The following SPMIP7 variants were observed in gnomAD, a reference collection of about 807,000 sequenced individuals.
SPMIP7 encodes the protein sperm microtubule inner protein 7.
chr7:50,151,630 T>A, the SPMIP7 span: 1 of 1,021,214 alleles, frequency 9.8e-7, no homozygotes, highest in Non-Finnish European at 1.4e-6. Context: ...GTTATTCCAT[T>A]AAAGAACAAT....
At chr7:50,143,342 T>G in the SPMIP7 span, among the ~76,000 whole-genome samples, 5 of 152,190 alleles carry the variant, frequency 3.3e-5, no homozygotes, top group East Asian at 9.7e-4. Context: ...TTTTTTGTAT[T>G]TTTAGTAGAG....
At chr7:50,129,901 G>A in the SPMIP7 span, 1 of 707,606 alleles carries the variant, frequency 1.4e-6, no homozygotes, top group Non-Finnish European at 2.4e-6. Flanking sequence ...GTGACACAGA[G>A]GACATCAAAC....
At chr7:50,098,869 T>C in the SPMIP7 span, among the ~76,000 whole-genome samples, 4 of 152,176 alleles carry the variant, frequency 2.6e-5, no homozygotes, top group Non-Finnish European at 4.4e-5. Flanking sequence ...CACAACCATC[T>C]TTATAGTTAA....
the SPMIP7 span, among the ~76,000 whole-genome samples, chr7:50,107,254 G>C: frequency 6.6e-6 from 1 of 151,076 alleles, no homozygotes. Context: ...TACTTGGGAG[G>C]CTAAGGCAGG....
At chr7:50,125,237 T>C in the SPMIP7 span, among the ~76,000 whole-genome samples, 5 of 86,188 alleles carry the variant, frequency 5.8e-5, no homozygotes, top group African/African-American at 2.2e-4. Context: ...CACATATATA[T>C]ACACATATAT....
At chr7:50,141,298 C>CA in the SPMIP7 span, 4 of 1,551,262 alleles carry the variant, frequency 2.6e-6, no homozygotes, top group Non-Finnish European at 3.5e-6. Context: ...GTGCAGTCTA[C>CA]AAATGCTGAT....
chr7:50,150,805 G>A, the SPMIP7 span, among the ~76,000 whole-genome samples: 169 of 152,310 alleles, frequency 1.1e-3, 1 homozygote, highest in Admixed American at 6.7e-3. Context: ...CTTCACTCTT[G>A]TGTTTTCCTT....
the SPMIP7 span, chr7:50,129,604 T>G: frequency 5.3e-6 from 4 of 756,520 alleles, no homozygotes; most frequent in Non-Finnish European, 8.9e-6. Flanking sequence ...AAGAGGTGCG[T>G]GAAAGAAGAA....
At chr7:50,098,657 G>A in the SPMIP7 span, among the ~76,000 whole-genome samples, 1 of 152,006 alleles carries the variant, frequency 6.6e-6, no homozygotes, top group Non-Finnish European at 1.5e-5. Flanking sequence ...GTTTATAGAA[G>A]GCATCTTTTT....
the SPMIP7 span, among the ~76,000 whole-genome samples, chr7:50,139,516 TATC>T: frequency 6.6e-6 from 1 of 152,242 alleles, no homozygotes; most frequent in Non-Finnish European, 1.5e-5. Flanking sequence ...TTAATTTACA[TATC>T]ATGTGGTAAA....
the SPMIP7 span, among the ~76,000 whole-genome samples, chr7:50,106,062 A>G: frequency 0.055 from 8,391 of 152,280 alleles, 244 homozygotes; most frequent in African/African-American, 0.081. Flanking sequence ...TAGACTTTTT[A>G]TAGCAGTGAA....
chr7:50,135,685 GT>G, the SPMIP7 span, among the ~76,000 whole-genome samples: 1 of 152,168 alleles, frequency 6.6e-6, no homozygotes, highest in Admixed American at 6.5e-5. Flanking sequence ...AGCATCCAAA[GT>G]CCTTCTTGGG....
the SPMIP7 span, among the ~76,000 whole-genome samples, chr7:50,133,416 C>T: frequency 6.6e-6 from 1 of 152,048 alleles, no homozygotes; most frequent in Non-Finnish European, 1.5e-5. Context: ...CAATAGCTGA[C>T]CTTAAGCAAA....
At chr7:50,139,133 G>C in the SPMIP7 span, among the ~76,000 whole-genome samples, 1 of 151,836 alleles carries the variant, frequency 6.6e-6, no homozygotes, top group South Asian at 2.1e-4. Flanking sequence ...GGCAGATCAC[G>C]AGGTCAGGAG....
chr7:50,124,604 A>G, the SPMIP7 span, among the ~76,000 whole-genome samples: 1 of 152,214 alleles, frequency 6.6e-6, no homozygotes, highest in African/African-American at 2.4e-5. Context: ...CAAATATTTT[A>G]AAATTAAACA....
chr7:50,134,604 C>T, the SPMIP7 span, among the ~76,000 whole-genome samples: 10 of 152,152 alleles, frequency 6.6e-5, no homozygotes, highest in Admixed American at 2.0e-4. Context: ...TACCAGATAA[C>T]CTATGCTGAA....
chr7:50,146,522 A>G, the SPMIP7 span, among the ~76,000 whole-genome samples: 1 of 152,238 alleles, frequency 6.6e-6, no homozygotes, highest in African/African-American at 2.4e-5. Flanking sequence ...TGCAATTCCT[A>G]AAAAATATCT....
At chr7:50,151,785 C>G in the SPMIP7 span, among the ~76,000 whole-genome samples, 2 of 152,144 alleles carry the variant, frequency 1.3e-5, no homozygotes, top group Non-Finnish European at 2.9e-5. Flanking sequence ...CCCAAAATTA[C>G]ACTGAAAACC....
At chr7:50,115,988 C>T in the SPMIP7 span, among the ~76,000 whole-genome samples, 1 of 152,102 alleles carries the variant, frequency 6.6e-6, no homozygotes. Context: ...TCTTAGCCAG[C>T]CCAGTTAAGC....
Sources: gnomAD v4.1 joint callset for allele counts (sites outside exome capture counted in the v4.1 genomes callset) on GRCh38, gnomAD v4.1.1 for gene constraint, MANE v1.5 for transcripts, NCBI Gene and HGNC (gene_info 2026-07-23, HGNC 2026-07-21) for gene names.